Variants in SUMF1 observed in about 807,000 individuals in gnomAD.
SUMF1 encodes sulfatase modifying factor 1.
In SUMF1, 48 loss-of-function variants were observed where a neutral mutation model predicts 47.6. The ratio of observed to expected loss-of-function variants is 1.01; its 90% CI spans 0.80 to 1.28. The LOEUF is 1.28. SUMF1 is among the 50% of genes most tolerant of loss of function. SUMF1 has a pLI of 0.00. For synonymous variants in SUMF1, 230 were observed against 192.1 expected, an observed-to-expected ratio of 1.20 and a Z score of -1.63; for missense variants, 571 against 485.4, an observed-to-expected ratio of 1.18 and a Z score of -1.66.
intron 7 of SUMF1, among the ~76,000 whole-genome samples, chr3:4,409,415 T>C (rs1701472541): frequency 6.6e-6 from 1 of 152,184 alleles, no homozygotes; most frequent in African/African-American, 2.4e-5. Flanking sequence ...ATGTGAATTT[T>C]TCTGTAAATC....
intron 9 of SUMF1, among the ~76,000 whole-genome samples, chr3:4,067,744 T>C (rs558499622): frequency 4.6e-5 from 7 of 152,300 alleles, no homozygotes; most frequent in Admixed American, 2.0e-4. Context: ...AATTCTGATG[T>C]CCTGCAGGTG....
intron 7 of SUMF1, among the ~76,000 whole-genome samples, chr3:4,409,027 T>C (rs926819213): frequency 9.9e-5 from 15 of 152,124 alleles, no homozygotes; most frequent in African/African-American, 3.4e-4. Context: ...CACTTTATTC[T>C]TTGGATAATA....
rs2079972746 is a variant in SUMF1, at chr3:4,467,083, G to C, written c.163C>G (p.Pro55Ala). ...CTGCCATGGGCGCCAGGCCGCTGGG[G>C]CGTGCCGCAGCCGCAAGAACCCGCA... ...SLAGSCGCGT[P>A]QRPGAHGSSA... Residue 55 changes from proline (P) to alanine (A), a missense_variant, in exon 1 of 9, where the codon CCC becomes GCC. Transcript: ENST00000272902. 1.9e-6 allele frequency: 3 copies of C among 1,562,992 alleles called. No individual in the cohort carries two copies. The highest frequency in any genetic ancestry group is 2.6e-6 in the Non-Finnish European group (3 of 1,155,114).
chr3:4,362,309 C>A, intron 8 of SUMF1, 55 bp from the exon 9 acceptor site: 1 of 1,477,140 alleles, frequency 6.8e-7, no homozygotes, highest in South Asian at 1.1e-5. Context: ...GCTGAAGGCT[C>A]TAACCCATCA....
At chr3:4,082,361 C>G (rs915358914) in intron 8 of SUMF1, among the ~76,000 whole-genome samples, 5 of 151,928 alleles carry the variant, frequency 3.3e-5, no homozygotes, top group African/African-American at 9.7e-5. Context: ...CCCAGCTACT[C>G]GAGAGGCTGA....
At chr3:4,231,644 G>A (rs969704537) in intron 8 of SUMF1, among the ~76,000 whole-genome samples, 3 of 152,084 alleles carry the variant, frequency 2.0e-5, no homozygotes, top group African/African-American at 7.2e-5. Context: ...AAAAATCAGG[G>A]GCAGGCAGAA....
intron 7 of SUMF1, among the ~76,000 whole-genome samples, chr3:4,392,819 T>C (rs1328070306): frequency 6.6e-6 from 1 of 151,854 alleles, no homozygotes; most frequent in Non-Finnish European, 1.5e-5. Context: ...TACCCACTGA[T>C]GTCTCTGTTC....
chr3:4,142,681 A>G (rs990949524), intron 8 of SUMF1, among the ~76,000 whole-genome samples: 8 of 152,080 alleles, frequency 5.3e-5, no homozygotes, highest in East Asian at 1.9e-4. Flanking sequence ...GGGAACCTCA[A>G]TTAGATCAGA....
intron 8 of SUMF1, among the ~76,000 whole-genome samples, chr3:4,328,308 G>C (rs908346555): frequency 6.6e-6 from 1 of 152,112 alleles, no homozygotes; most frequent in Non-Finnish European, 1.5e-5. Flanking sequence ...ATGGAGAGGA[G>C]ACTCAGTTTC....
intron 7 of SUMF1, among the ~76,000 whole-genome samples, chr3:4,407,860 G>C (rs553851984): frequency 1.2e-4 from 19 of 152,290 alleles, no homozygotes; most frequent in African/African-American, 4.1e-4. Flanking sequence ...GGCCCTCCAA[G>C]GTGGAGGATC....
At chr3:4,225,398 A>G (rs1696152177) in intron 8 of SUMF1, among the ~76,000 whole-genome samples, 1 of 152,086 alleles carries the variant, frequency 6.6e-6, no homozygotes, top group Non-Finnish European at 1.5e-5. Context: ...ACAAACTATT[A>G]CTGTTTAAGC....
chr3:4,422,392 A>G (rs1037769334), intron 3 of SUMF1, among the ~76,000 whole-genome samples: 5 of 152,148 alleles, frequency 3.3e-5, no homozygotes, highest in African/African-American at 1.2e-4. Flanking sequence ...AAAATAAAAA[A>G]GCTTAAAAGA....
rs555747354 is a variant in SUMF1 at position 4,083,294 on chromosome 3, T to C, written c.1015-14549A>G. ...CCTTTAAACATGACATTTGAGTTAA[T>C]ACCCTGTCCTTTTTCCAAGACACAC... is the stretch of plus-strand genomic sequence containing the variant. On this transcript the variant is annotated intron_variant and NMD_transcript_variant, in intron 8 of 12. Coordinates refer to the SUMF1 transcript ENST00000448413. Among the ~76,000 whole-genome samples, 6 of 152,280 alleles carry C rather than the reference T, an allele frequency of 3.9e-5. No homozygotes were observed. In the East Asian group the frequency reaches 1.2e-3, roughly 29 times the overall value.
intron 8 of SUMF1, among the ~76,000 whole-genome samples, chr3:4,257,826 A>G (rs1007995606): frequency 6.6e-6 from 1 of 151,756 alleles, no homozygotes; most frequent in African/African-American, 2.4e-5. Flanking sequence ...CCAAAAGAAC[A>G]AAGCTGGAAG....
In SUMF1 at chr3:4,136,845, T is replaced by G. The variant is rs578040429; in HGVS notation, c.1015-68100A>C. On this transcript the variant is annotated intron_variant and NMD_transcript_variant, in intron 8 of 12. Coordinates refer to the SUMF1 transcript ENST00000448413. ...CAGACACTTCTCCAAAGAAGACATTTATGCAGCCAAAAAACACATGAAAAA... is the reference window on the plus strand; with the variant it reads ...CAGACACTTCTCCAAAGAAGACATTGATGCAGCCAAAAAACACATGAAAAA... Among the ~76,000 whole-genome samples the G allele has an allele frequency of 2.0e-5, 3 of 152,150 alleles. No individual in the cohort carries two copies. In the South Asian group the frequency reaches 6.2e-4, roughly 32 times the overall value.
chr3:4,336,914 T>C (rs943063599), intron 8 of SUMF1, among the ~76,000 whole-genome samples: 1 of 152,230 alleles, frequency 6.6e-6, no homozygotes, highest in Non-Finnish European at 1.5e-5. Flanking sequence ...TGCTAACTTT[T>C]CTTAGTCCTC....
At position 4,133,511 on chromosome 3, in the gene SUMF1, C is replaced by T. The variant is rs565921492; in HGVS notation, c.1015-64766G>A. On this transcript the variant is annotated intron_variant and NMD_transcript_variant, in intron 8 of 12. Coordinates refer to the SUMF1 transcript ENST00000448413. Reference sequence around the variant, plus strand: ...TGAGGGTGTTGCTGAAGGAGATTAACATTTGAGTCAGTGTGCTGCAAAAGG... The same window carrying T: ...TGAGGGTGTTGCTGAAGGAGATTAATATTTGAGTCAGTGTGCTGCAAAAGG... 3.3e-5 allele frequency among the ~76,000 whole-genome samples: 5 copies of T among 152,174 alleles called. No individual in the cohort carries two copies. The South Asian group carries it at 8.3e-4, about 25-fold the overall frequency.
chr3:4,372,832 T>A (rs1700208785), intron 8 of SUMF1, among the ~76,000 whole-genome samples: 1 of 152,210 alleles, frequency 6.6e-6, no homozygotes, highest in Admixed American at 6.5e-5. Flanking sequence ...CTGGAAAGGC[T>A]AAGCACTCTG....
chr3:4,266,123 G>A (rs1366497842), intron 8 of SUMF1, among the ~76,000 whole-genome samples: 1 of 152,126 alleles, frequency 6.6e-6, no homozygotes, highest in Non-Finnish European at 1.5e-5. Context: ...TGCTGTTTTG[G>A]TTACTGTAGC....
Sources: gnomAD v4.1 joint callset for allele counts (sites outside exome capture counted in the v4.1 genomes callset) on GRCh38, gnomAD v4.1.1 for gene constraint, MANE v1.5 for transcripts, NCBI Gene and HGNC (gene_info 2026-07-23, HGNC 2026-07-21) for gene names.